The following HNRNPM variants were observed in gnomAD, a reference collection of about 807,000 sequenced individuals.
HNRNPM encodes CEA receptor.
Under a neutral mutation model 73.1 loss-of-function variants are expected in HNRNPM, and 11 were observed. That is an observed-to-expected ratio of 0.15 (90% CI 0.09 to 0.25). HNRNPM has a LOEUF of 0.25. Ranked by LOEUF, HNRNPM falls within the 10% of genes least tolerant of loss-of-function variation. The pLI is 1.00. For synonymous variants in HNRNPM, 407 were observed against 355.2 expected (o/e 1.15, Z -1.64); for missense variants, 789 against 1,067.9 (o/e 0.74, Z 3.64).
At chr19:8,488,272 A>AC in intron 15 of HNRNPM, 1 of 156,058 alleles carries the variant, frequency 6.4e-6, no homozygotes, top group East Asian at 1.9e-4. Context: ...TGGATGCTTA[A>AC]CGGGTGCTCA....
chr19:8,486,056 G>C lies in HNRNPM; in HGVS notation c.1628G>C (p.Arg543Pro), dbSNP rs1176367239. The change falls in exon 14 of 16, where the codon CGC becomes CCC. Residue 543 changes from arginine to proline, a missense_variant. Arg to Pro is a moderately radical substitution (Grantham distance 103). Coordinates refer to ENST00000325495, the MANE Select transcript of HNRNPM (RefSeq NM_005968.5). ...VPAGMGAGLE[R>P]MGPVMDRMAT... ...GCAGGTATGGGAGCTGGCCTGGAGC[G>C]CATGGGCCCCGTGATGGATCGCATG... The C allele has an allele frequency of 6.2e-7, 1 of 1,606,458 alleles. No individual in the cohort carries two copies. Among genetic ancestry groups the C allele is most frequent in the Non-Finnish European group, 8.5e-7 (1 of 1,179,626 alleles).
intron 1 of HNRNPM, among the ~76,000 whole-genome samples, chr19:8,452,324 C>T (rs1968687465): frequency 6.6e-6 from 1 of 152,156 alleles, no homozygotes; most frequent in Admixed American, 6.6e-5. Context: ...GTATTTGGGA[C>T]TTCAAAAGTA....
At chr19:8,477,615 G>A in intron 12 of HNRNPM, among the ~76,000 whole-genome samples, 1 of 144,648 alleles carries the variant, frequency 6.9e-6, no homozygotes, top group East Asian at 2.0e-4. Flanking sequence ...TCACGCCACT[G>A]CATTCCAGCT....
chr19:8,486,980 T>A, intron 14 of HNRNPM, 44 bp from the exon 15 acceptor site: 1 of 1,498,950 alleles, frequency 6.7e-7, no homozygotes, highest in South Asian at 1.1e-5. Flanking sequence ...GCCTTAGGAT[T>A]TGGTTTAATC....
At chr19:8,454,684 C>T (rs866564042) in intron 1 of HNRNPM, among the ~76,000 whole-genome samples, 3,885 of 118,766 alleles carry the variant, frequency 0.033, 231 homozygotes, top group African/African-American at 0.13. Context: ...CCCCCCCCCC[C>T]TTTTTTTTTT....
chr19:8,453,923 A>G (rs1351714254), intron 1 of HNRNPM, among the ~76,000 whole-genome samples: 1 of 152,172 alleles, frequency 6.6e-6, no homozygotes, highest in Non-Finnish European at 1.5e-5. Flanking sequence ...TAAAGAGTGC[A>G]ATGGGAAGGC....
intron 9 of HNRNPM, among the ~76,000 whole-genome samples, chr19:8,469,684 C>T (rs181889118): frequency 4.6e-5 from 7 of 152,242 alleles, no homozygotes; most frequent in East Asian, 3.9e-4. Flanking sequence ...AGCGGTGGGA[C>T]GACTCAGGGA....
intron 1 of HNRNPM, among the ~76,000 whole-genome samples, chr19:8,446,764 C>T (rs1328312294): frequency 2.0e-5 from 3 of 152,114 alleles, no homozygotes; most frequent in Non-Finnish European, 4.4e-5. Context: ...GATAATAAAT[C>T]CGGAGAAAAT....
At chr19:8,475,058 A>G (rs922675884) in intron 12 of HNRNPM, among the ~76,000 whole-genome samples, 17 of 152,224 alleles carry the variant, frequency 1.1e-4, no homozygotes, top group African/African-American at 2.9e-4. Context: ...TATAATAACA[A>G]TGTAGTATTT....
At chr19:8,464,044 G>T (rs1969572089) in intron 5 of HNRNPM, among the ~76,000 whole-genome samples, 1 of 151,976 alleles carries the variant, frequency 6.6e-6, no homozygotes, top group African/African-American at 2.4e-5. Context: ...AAGTGAGTTT[G>T]TTCCAGCCTG....
chr19:8,473,791 C>T (rs1970323253), intron 11 of HNRNPM, 83 bp downstream of exon 11: 1 of 894,582 alleles, frequency 1.1e-6, no homozygotes, highest in Admixed American at 2.3e-5. Flanking sequence ...TTGTTTAAAC[C>T]CTGCATGAAA....
intron 1 of HNRNPM, among the ~76,000 whole-genome samples, chr19:8,446,059 G>GAGGT (rs1968160646): frequency 6.6e-6 from 1 of 152,230 alleles, no homozygotes; most frequent in Admixed American, 6.5e-5. Context: ...GAGAGACAGA[G>GAGGT]AGGTTTTGGC....
chr19:8,445,343 A>G (rs1276136854), intron 1 of HNRNPM: 3 of 386,574 alleles, frequency 7.8e-6, no homozygotes, highest in Non-Finnish European at 1.4e-5. Context: ...CAGTCCCTCC[A>G]GGCCGGGGCC....
chr19:8,472,948 T>C (rs1490618958), intron 10 of HNRNPM, among the ~76,000 whole-genome samples: 1 of 152,216 alleles, frequency 6.6e-6, no homozygotes, highest in Non-Finnish European at 1.5e-5. Context: ...TTATGTTCCA[T>C]AGAATGTGTC....
At chr19:8,446,214 A>G (rs1157275566) in intron 1 of HNRNPM, among the ~76,000 whole-genome samples, 1 of 152,216 alleles carries the variant, frequency 6.6e-6, no homozygotes, top group Non-Finnish European at 1.5e-5. Context: ...GGCATTGAGT[A>G]TACTGACTCA....
intron 1 of HNRNPM, among the ~76,000 whole-genome samples, chr19:8,450,709 T>TTAA (rs1968544238): frequency 4.6e-5 from 4 of 87,734 alleles, no homozygotes; most frequent in Non-Finnish European, 1.0e-4. Context: ...TTTAATTTAA[T>TTAA]TAATTATTAT....
chr19:8,445,750 G>T (rs1968123627), intron 1 of HNRNPM, among the ~76,000 whole-genome samples: 1 of 152,204 alleles, frequency 6.6e-6, no homozygotes, highest in Admixed American at 6.5e-5. Flanking sequence ...CAAGTCCCTC[G>T]CCGTTTCCCG....
intron 10 of HNRNPM, among the ~76,000 whole-genome samples, chr19:8,472,834 G>A (rs1425161231): frequency 1.3e-5 from 2 of 152,124 alleles, no homozygotes; most frequent in African/African-American, 2.4e-5. Context: ...CACCCGCCTC[G>A]GCTTCCTGAA....
chr19:8,485,689 G>C lies in HNRNPM; in HGVS notation c.1261G>C (p.Ala421Pro). ...GGGTGCCGGCATGGAGCGCATGGGC[G>C]CGGGCCTGGGCCACGGCATGGATCG... ...LGGAGMERMGAGLGHGMDRVG... is the reference protein window; with the variant it reads ...LGGAGMERMGPGLGHGMDRVG... The change falls in exon 14 of 16, where the codon GCG (alanine) becomes CCG (proline). Residue 421 changes from alanine (A) to proline (P), a missense_variant. By Grantham distance (27) the Ala-to-Pro change is conservative. This residue lies in a region of HNRNPM where 604 missense variants were observed against 744.0 expected (regional missense o/e 0.81). Coordinates refer to ENST00000325495, the MANE Select transcript of HNRNPM (RefSeq NM_005968.5). 6.2e-7 allele frequency: 1 copy of C among 1,606,902 alleles called. No homozygotes were observed.
Sources: allele counts gnomAD v4.1 joint callset (sites outside exome capture counted in the v4.1 genomes callset), GRCh38; gene constraint gnomAD v4.1.1; regional missense constraint gnomAD v4.1.1; transcripts MANE v1.5; gene names NCBI Gene and HGNC (gene_info 2026-07-23, HGNC 2026-07-21).